ERBB4: variants seen among roughly 807,000 people sequenced by gnomAD.
ERBB4 encodes receptor tyrosine-protein kinase erbB-4.
In ERBB4, 42 loss-of-function variants were observed where a neutral mutation model predicts 158.0. The observed-to-expected ratio is 0.27, with a 90% confidence interval of 0.21 to 0.34. The LOEUF is 0.34. Among genes scored for constraint, ERBB4 ranks in the 10% least tolerant of loss-of-function variants. ERBB4 has a pLI of 1.00. For missense variants in ERBB4, 1,333 were observed against 1,624.1 expected (o/e 0.82, Z 3.08); for synonymous variants, 583 against 558.7 (o/e 1.04, Z -0.61).
At chr2:211,949,936 G>T (rs1057481584) in intron 2 of ERBB4, among the ~76,000 whole-genome samples, 4 of 151,982 alleles carry the variant, frequency 2.6e-5, no homozygotes, top group African/African-American at 9.7e-5. Flanking sequence ...CTTTTTCCCA[G>T]AATATAGCCC....
intron 3 of ERBB4, among the ~76,000 whole-genome samples, chr2:211,810,916 C>T (rs1031767929): frequency 6.6e-6 from 1 of 151,926 alleles, no homozygotes; most frequent in African/African-American, 2.4e-5. Context: ...CCTCATGATC[C>T]ACCCGCCTCG....
chr2:212,349,518 T>C (rs1006018381), intron 1 of ERBB4, among the ~76,000 whole-genome samples: 2 of 152,134 alleles, frequency 1.3e-5, no homozygotes, highest in African/African-American at 4.8e-5. Flanking sequence ...AGAGTTAAGT[T>C]TTCTGTCATA....
At chr2:211,984,523 G>A (rs1454555081) in intron 2 of ERBB4, among the ~76,000 whole-genome samples, 2 of 152,030 alleles carry the variant, frequency 1.3e-5, no homozygotes, top group African/African-American at 4.8e-5. Flanking sequence ...GCTGTCATGT[G>A]TACATGTGCC....
chr2:212,103,478 A>G (rs2079140435), intron 2 of ERBB4, among the ~76,000 whole-genome samples: 1 of 152,100 alleles, frequency 6.6e-6, no homozygotes, highest in Non-Finnish European at 1.5e-5. Flanking sequence ...AAAAGTATTA[A>G]TTTGATATTT....
intron 1 of ERBB4, among the ~76,000 whole-genome samples, chr2:212,265,455 A>G (rs916749814): frequency 1.3e-5 from 2 of 152,108 alleles, no homozygotes; most frequent in African/African-American, 4.8e-5. Context: ...TTTCCTAAGA[A>G]ACACATTTAT....
intron 19 of ERBB4, among the ~76,000 whole-genome samples, chr2:211,616,312 T>C (rs1381915293): frequency 5.3e-5 from 8 of 152,000 alleles, no homozygotes; most frequent in Non-Finnish European, 7.4e-5. Context: ...CTTTATTAGT[T>C]CTCCTGTCTT....
At chr2:211,967,858 C>T (rs907887362) in intron 2 of ERBB4, among the ~76,000 whole-genome samples, 1 of 151,318 alleles carries the variant, frequency 6.6e-6, no homozygotes, top group East Asian at 1.9e-4. Context: ...TATTTTATAT[C>T]CTTTTTGAAC....
chr2:212,519,238 T>C (rs1466005895), intron 1 of ERBB4, among the ~76,000 whole-genome samples: 1 of 152,058 alleles, frequency 6.6e-6, no homozygotes, highest in Non-Finnish European at 1.5e-5. Flanking sequence ...CAACAAATTC[T>C]ATTTAATTTG....
At chr2:211,643,359 T>C (rs997882878) in intron 16 of ERBB4, among the ~76,000 whole-genome samples, 2 of 152,024 alleles carry the variant, frequency 1.3e-5, no homozygotes, top group African/African-American at 4.8e-5. Flanking sequence ...ATGATATACG[T>C]TCTGGTCCTG....
chr2:212,497,178 CAAAAAAAAA>C (rs397987683), intron 1 of ERBB4, among the ~76,000 whole-genome samples: 9 of 64,372 alleles, frequency 1.4e-4, no homozygotes, highest in Admixed American at 1.4e-3. Context: ...AACTCCATCT[CAAAAAAAAA>C]AAAAAAAAAA....
intron 3 of ERBB4, among the ~76,000 whole-genome samples, chr2:211,822,249 T>C (rs2077011478): frequency 6.6e-6 from 1 of 151,916 alleles, no homozygotes; most frequent in Admixed American, 6.6e-5. Context: ...GTAGGATAAC[T>C]ATGGTTAATA....
chr2:212,203,475 G>A (rs936009544), intron 1 of ERBB4, among the ~76,000 whole-genome samples: 9 of 152,144 alleles, frequency 5.9e-5, no homozygotes, highest in African/African-American at 2.2e-4. Context: ...GAAACTTTCA[G>A]GCCATTATCC....
At chr2:211,393,494 A>G (rs1574401550) in intron 25 of ERBB4, among the ~76,000 whole-genome samples, 1 of 152,058 alleles carries the variant, frequency 6.6e-6, no homozygotes, top group East Asian at 1.9e-4. Flanking sequence ...ATTCTTACTC[A>G]TCTTTGCCCT....
At chr2:212,095,792 G>A (rs180896986) in intron 2 of ERBB4, among the ~76,000 whole-genome samples, 2 of 151,858 alleles carry the variant, frequency 1.3e-5, no homozygotes, top group Admixed American at 6.6e-5. Context: ...AAAATTAGCC[G>A]GGCGTGGTGG....
intron 1 of ERBB4, among the ~76,000 whole-genome samples, chr2:212,170,884 T>C (rs1006395096): frequency 6.6e-6 from 1 of 152,084 alleles, no homozygotes; most frequent in African/African-American, 2.4e-5. Context: ...GCTAGGGCAG[T>C]GTGAAAGGGA....
intron 2 of ERBB4, among the ~76,000 whole-genome samples, chr2:212,088,243 T>C (rs2078673347): frequency 6.6e-6 from 1 of 152,084 alleles, no homozygotes; most frequent in African/African-American, 2.4e-5. Flanking sequence ...TTCAAACACT[T>C]TAATAAATAG....
intron 1 of ERBB4, among the ~76,000 whole-genome samples, chr2:212,174,934 A>G (rs1024563596): frequency 6.6e-6 from 1 of 152,018 alleles, no homozygotes; most frequent in African/African-American, 2.4e-5. Flanking sequence ...TTGCCATTCT[A>G]CCTAATTCAT....
intron 25 of ERBB4, among the ~76,000 whole-genome samples, chr2:211,394,807 T>A (rs1473325389): frequency 6.6e-6 from 1 of 152,038 alleles, no homozygotes; most frequent in East Asian, 1.9e-4. Context: ...TCGGGCAACT[T>A]TTTTGAAGAC....
chr2:212,183,434 G>A (rs777157317), intron 1 of ERBB4, among the ~76,000 whole-genome samples: 8 of 151,932 alleles, frequency 5.3e-5, no homozygotes, highest in Non-Finnish European at 8.8e-5. Context: ...CAATAGCAAT[G>A]TTCCTGGAAC....
Sources: gnomAD v4.1 joint callset for allele counts (sites outside exome capture counted in the v4.1 genomes callset) on GRCh38, gnomAD v4.1.1 for gene constraint, MANE v1.5 for transcripts, NCBI Gene and HGNC (gene_info 2026-07-23, HGNC 2026-07-21) for gene names.